ARL3: variants seen among roughly 807,000 people sequenced by gnomAD.
ARL3 encodes ADP-ribosylation factor-like protein 3.
In ARL3, 9 loss-of-function variants were observed where a neutral mutation model predicts 26.0. The observed-to-expected ratio is 0.35, with a 90% confidence interval of 0.21 to 0.60. The LOEUF (loss-of-function observed/expected upper bound fraction) is 0.60, where lower values mean the gene tolerates loss of function less well. ARL3 is among the 20% of genes least tolerant of loss of function. ARL3 has a pLI of 0.78. For missense variants in ARL3, 158 were observed against 215.7 expected (o/e 0.73, Z 1.67); for synonymous variants, 71 against 78.4 (o/e 0.91, Z 0.50).
chr10:102,708,346 G>A (rs1270467272), intron 1 of ARL3, among the ~76,000 whole-genome samples: 4 of 152,040 alleles, frequency 2.6e-5, no homozygotes, highest in Non-Finnish European at 5.9e-5. Flanking sequence ...TTAGGGGACT[G>A]GTGACATAAA....
chr10:102,693,018 G>T (rs1590123350), intron 3 of ARL3, among the ~76,000 whole-genome samples: 2 of 152,208 alleles, frequency 1.3e-5, no homozygotes, highest in East Asian at 3.8e-4. Context: ...TTCATGACTT[G>T]ATAGCTCATG....
intron 3 of ARL3, among the ~76,000 whole-genome samples, chr10:102,693,200 G>C (rs1167575096): frequency 1.3e-5 from 2 of 152,148 alleles, no homozygotes; most frequent in Non-Finnish European, 2.9e-5. Context: ...AACTAACTGG[G>C]TATATATCTT....
chr10:102,685,974 T>C lies in ARL3; in HGVS notation c.343A>G (p.Lys115Glu). 1.2e-6 allele frequency: 2 copies of C among 1,613,802 alleles called. No homozygotes were observed. Among genetic ancestry groups the C allele is most frequent in the South Asian group, 1.1e-5 (1 of 91,008 alleles). ...QELAELLEEE[K>E]LSCVPVLIFA... is the part of the protein sequence containing the mutation. ...ATGAGCACTGGCACACAACTTAGTT[T>C]TTCTTCCTCCAGTAATTCCGCTAGT... The change falls in exon 5 of 6, where the codon AAA (lysine) becomes GAA (glutamate). Residue 115 changes from lysine (K) to glutamate (E), a missense_variant. By Grantham distance (56) the Lys-to-Glu change is moderately conservative. Coordinates refer to ENST00000260746, the MANE Select transcript of ARL3 (RefSeq NM_004311.4).
At chr10:102,686,040 C>A (rs774984256) in intron 4 of ARL3, 39 bp from the exon 5 acceptor site, 234 of 1,375,652 alleles carry the variant, frequency 1.7e-4, no homozygotes, top group Non-Finnish European at 2.2e-4. Context: ...AGGTTAAAAT[C>A]TATACATCTA....
intron 5 of ARL3, among the ~76,000 whole-genome samples, chr10:102,680,944 G>A (rs370887531): frequency 2.0e-5 from 3 of 152,118 alleles, no homozygotes; most frequent in East Asian, 3.9e-4. Flanking sequence ...TAGTGAAATC[G>A]CATGTCCTGA....
intron 2 of ARL3, among the ~76,000 whole-genome samples, chr10:102,700,789 T>TTTTTTG (rs1564732569): frequency 7.4e-6 from 1 of 135,464 alleles, no homozygotes. Flanking sequence ...TTTTTTTTTT[T>TTTTTTG]TGCAGAGTTG....
At chr10:102,701,480 C>CGTG (rs2064279094) in intron 2 of ARL3, among the ~76,000 whole-genome samples, 1 of 152,204 alleles carries the variant, frequency 6.6e-6, no homozygotes, top group South Asian at 2.1e-4. Context: ...TCTCACTTCT[C>CGTG]TAACACGCCA....
chr10:102,680,703 T>C (rs1374716171), intron 5 of ARL3, among the ~76,000 whole-genome samples: 1 of 152,134 alleles, frequency 6.6e-6, no homozygotes, highest in Non-Finnish European at 1.5e-5. Flanking sequence ...AAGGAAGCGG[T>C]GGCAGCCATG....
At chr10:102,678,782 G>C (rs775483747) in intron 5 of ARL3, among the ~76,000 whole-genome samples, 3 of 152,282 alleles carry the variant, frequency 2.0e-5, no homozygotes, top group Non-Finnish European at 4.4e-5. Flanking sequence ...AAAGCAGAAG[G>C]TGGAGGGTGT....
Position 102,699,381 on chromosome 10 carries a change from C to G in ARL3, c.256G>C (p.Asp86His), listed in dbSNP as rs755208642. The change falls in exon 3 of 6, where the codon GAT becomes CAT. Residue 86 changes from aspartate (D) to histidine (H), a missense_variant. Asp to His is a moderately conservative substitution (Grantham distance 81). Transcript: ENST00000260746. Reference sequence around the variant, plus strand: ...TCAGAAGGAGTACTTACAAGAATATCGGTATTTTCAAAATAATTCTTCCAG... The same window carrying G: ...TCAGAAGGAGTACTTACAAGAATATGGGTATTTTCAAAATAATTCTTCCAG... ...PYWKNYFENT[D>H]ILIYVIDSAD... 6.3e-7 allele frequency: 1 copy of G among 1,581,416 alleles called. No homozygotes were observed. Among genetic ancestry groups the G allele is most frequent in the Non-Finnish European group, 8.7e-7 (1 of 1,150,854 alleles).
Position 102,683,953 on chromosome 10 carries a change from G to A in ARL3, c.501+1863C>T, listed in dbSNP as rs562998145. ...TACTCTAGTTCTCCTTTTTCACATCGCTAAGGCTGGTGGAAGATACAAGAG... is the reference window on the plus strand; with the variant it reads ...TACTCTAGTTCTCCTTTTTCACATCACTAAGGCTGGTGGAAGATACAAGAG... On this transcript the variant is annotated intron_variant, in intron 5 of 5. Coordinates refer to ENST00000260746, the MANE Select transcript of ARL3 (RefSeq NM_004311.4). Among the ~76,000 whole-genome samples the A allele has an allele frequency of 9.2e-5, 14 of 152,140 alleles. No individual in the cohort carries two copies. The South Asian group carries it at 1.2e-3, about 14-fold the overall frequency.
At chr10:102,681,954 C>T (rs573120355) in intron 5 of ARL3, among the ~76,000 whole-genome samples, 3 of 152,164 alleles carry the variant, frequency 2.0e-5, no homozygotes, top group East Asian at 3.9e-4. Context: ...ATGGATTTCT[C>T]GATACCTTTC....
chr10:102,691,428 C>G (rs1304013191), intron 3 of ARL3, among the ~76,000 whole-genome samples: 1 of 152,074 alleles, frequency 6.6e-6, no homozygotes, highest in African/African-American at 2.4e-5. Context: ...CATACAATCT[C>G]TTTCACAACT....
chr10:102,714,122 G>A, intron 1 of ARL3, 151 bp downstream of exon 1: 1 of 1,021,160 alleles, frequency 9.8e-7, no homozygotes. Flanking sequence ...GGGTCTCCCC[G>A]CCGACCCCCG....
At chr10:102,679,833 C>G (rs2064146541) in intron 5 of ARL3, among the ~76,000 whole-genome samples, 1 of 152,126 alleles carries the variant, frequency 6.6e-6, no homozygotes, top group South Asian at 2.1e-4. Context: ...TAACCATCCA[C>G]CCAGACCACC....
intron 3 of ARL3, among the ~76,000 whole-genome samples, chr10:102,697,730 T>TA (rs1223156580): frequency 2.6e-5 from 4 of 151,088 alleles, no homozygotes; most frequent in South Asian, 4.2e-4. Context: ...GTTGGGAGAT[T>TA]AAAAAAAAAT....
chr10:102,687,787 A>G (rs941973440), intron 4 of ARL3, among the ~76,000 whole-genome samples: 3 of 152,126 alleles, frequency 2.0e-5, no homozygotes, highest in Non-Finnish European at 2.9e-5. Flanking sequence ...TCAGCCTAAC[A>G]AAGTGCTAGA....
intron 4 of ARL3, 44 bp downstream of exon 4, chr10:102,689,849 C>A: frequency 2.5e-6 from 3 of 1,222,890 alleles, no homozygotes; most frequent in African/African-American, 1.6e-5. Context: ...AAAGTACATA[C>A]ATATATATAT....
At chr10:102,710,639 T>G (rs2064333601) in intron 1 of ARL3, among the ~76,000 whole-genome samples, 1 of 152,222 alleles carries the variant, frequency 6.6e-6, no homozygotes, top group South Asian at 2.1e-4. Context: ...ACGGGCATGA[T>G]CTCTATGTAG....
Sources: allele counts gnomAD v4.1 joint callset (sites outside exome capture counted in the v4.1 genomes callset), GRCh38; gene constraint gnomAD v4.1.1; transcripts MANE v1.5; gene names NCBI Gene and HGNC (gene_info 2026-07-23, HGNC 2026-07-21).